Variants in TSPAN9 observed in about 807,000 individuals in gnomAD.
TSPAN9 encodes the protein tetraspanin-9.
Under a neutral mutation model 31.0 loss-of-function variants are expected in TSPAN9, and 16 were observed. The ratio of observed to expected loss-of-function variants is 0.52; its 90% CI spans 0.35 to 0.78. The LOEUF is 0.78. Ranked by LOEUF, TSPAN9 falls within the 30% of genes least tolerant of loss-of-function variation. The probability of loss-of-function intolerance (pLI) is 0.01; values close to 1 mark genes in which losing one functional copy is unlikely to be tolerated. For missense variants in TSPAN9, 272 were observed against 312.5 expected, an observed-to-expected ratio of 0.87 and a Z score of 0.98; for synonymous variants, 145 against 121.6, an observed-to-expected ratio of 1.19 and a Z score of -1.27.
At chr12:3,182,467 C>CT (rs559037493) in intron 2 of TSPAN9, among the ~76,000 whole-genome samples, 207 of 146,812 alleles carry the variant, frequency 1.4e-3, no homozygotes, top group African/African-American at 3.7e-3. Flanking sequence ...CTCTTCCTAC[C>CT]TTTTTTTTTT....
chr12:3,188,130 T>C (rs1207067036), intron 2 of TSPAN9, among the ~76,000 whole-genome samples: 1 of 152,112 alleles, frequency 6.6e-6, no homozygotes, highest in Admixed American at 6.5e-5. Flanking sequence ...CAAAGACAAG[T>C]GCCTCCCACT....
chr12:3,192,426 G>A lies in TSPAN9; in HGVS notation c.-17-8751G>A, dbSNP rs2098364897. ...GGGGACGAGGAGGATGCCAGGTGCA[G>A]GGAGGCTCTGCGGCTTGGACTTGTG... On this transcript the variant is annotated intron_variant, in intron 2 of 8. Coordinates refer to ENST00000011898, the MANE Select transcript of TSPAN9 (RefSeq NM_006675.5). This position sits in a 1 kb window ranked among gnomAD's most constrained non-coding sequence, Gnocchi z 4.6. Among the ~76,000 whole-genome samples, 1 of 152,162 alleles carries A rather than the reference G, an allele frequency of 6.6e-6. No homozygotes were observed. The highest frequency in any genetic ancestry group is 6.5e-5 in the Admixed American group (1 of 15,276).
At position 3,155,596 on chromosome 12, in the gene TSPAN9, T is replaced by TAA. The variant is rs200148503; in HGVS notation, c.-17-45569_-17-45568dup. Among the ~76,000 whole-genome samples the TAA allele has an allele frequency of 8.0e-4, 117 of 147,142 alleles. No individual in the cohort carries two copies. The East Asian group carries it at 9.7e-3, about 12-fold the overall frequency. ...ATGACAGAGCAAGACCCTGTCTCTT[T>TAA]AAAAAAAAAAAAATAAAGAGGGAGC... On this transcript the variant is annotated intron_variant, in intron 2 of 8. Transcript: ENST00000011898.
chr12:3,106,998 G>A (rs185171170), intron 2 of TSPAN9, among the ~76,000 whole-genome samples: 1 of 152,270 alleles, frequency 6.6e-6, no homozygotes, highest in Admixed American at 6.5e-5. Context: ...GGGAAGGAAA[G>A]GCTCCCTCCT....
chr12:3,078,917 A>G (rs1423024859), intron 1 of TSPAN9, among the ~76,000 whole-genome samples: 2 of 151,960 alleles, frequency 1.3e-5, no homozygotes, highest in Non-Finnish European at 2.9e-5. Context: ...AGTTTTTTCT[A>G]TGCACGTTAC....
At chr12:3,248,763 G>A (rs1011374351) in intron 3 of TSPAN9, among the ~76,000 whole-genome samples, 1 of 152,090 alleles carries the variant, frequency 6.6e-6, no homozygotes, top group Non-Finnish European at 1.5e-5. Flanking sequence ...GCCCAGAACG[G>A]ACCCTCCCTC....
At chr12:3,177,010 A>C (rs1388875559) in intron 2 of TSPAN9, among the ~76,000 whole-genome samples, 1 of 151,212 alleles carries the variant, frequency 6.6e-6, no homozygotes, top group African/African-American at 2.4e-5. Flanking sequence ...TTAGGAGTCC[A>C]TGAGCAAGAG....
intron 3 of TSPAN9, among the ~76,000 whole-genome samples, chr12:3,243,717 C>T (rs2098397856): frequency 6.6e-6 from 1 of 152,186 alleles, no homozygotes; most frequent in Non-Finnish European, 1.5e-5. Context: ...GTGGTCTGGT[C>T]TTGCCCAGGC....
chr12:3,144,649 T>C (rs1003223042), intron 2 of TSPAN9, among the ~76,000 whole-genome samples: 7 of 152,202 alleles, frequency 4.6e-5, no homozygotes, highest in African/African-American at 1.2e-4. Context: ...CGGGGTACTT[T>C]GCTGCAGTGG....
intron 2 of TSPAN9, among the ~76,000 whole-genome samples, chr12:3,116,060 A>G (rs542467281): frequency 6.6e-6 from 1 of 152,308 alleles, no homozygotes; most frequent in East Asian, 1.9e-4. Flanking sequence ...GAACTTGATC[A>G]TTTAGATAAA....
chr12:3,275,650 C>T lies in TSPAN9; in HGVS notation c.64-2771C>T, dbSNP rs532648404. Reference sequence around the variant, plus strand: ...ACCTAGTGGCCGTAGGCGGGGCTAGCCCCGTTCCCTGGCGAAGCTTTGTGA... The same window carrying T: ...ACCTAGTGGCCGTAGGCGGGGCTAGTCCCGTTCCCTGGCGAAGCTTTGTGA... On this transcript the variant is annotated intron_variant, in intron 3 of 8. Coordinates refer to ENST00000011898, the MANE Select transcript of TSPAN9 (RefSeq NM_006675.5). Among the ~76,000 whole-genome samples the T allele has an allele frequency of 2.6e-5, 4 of 152,368 alleles. No homozygotes were observed. In the East Asian group the frequency reaches 7.7e-4, roughly 29 times the overall value.
intron 1 of TSPAN9, among the ~76,000 whole-genome samples, chr12:3,081,844 G>GTGTGTGTGTATATATATATA (rs57812985): frequency 6.9e-5 from 8 of 116,736 alleles, no homozygotes; most frequent in African/African-American, 2.2e-4. Flanking sequence ...GTCTGTGTGT[G>GTGTGTGTGTATATATATATA]TATATATATG....
rs2098337828 is a variant in TSPAN9 at position 3,147,521 on chromosome 12, A to G, written c.-17-53656A>G. ...ACCTTCCCTGCCCACTTCCAGATTC[A>G]GTTTGAGCCACCTAGGGCCTGTTCT... On this transcript the variant is annotated intron_variant, in intron 2 of 8. Coordinates refer to ENST00000011898, the MANE Select transcript of TSPAN9 (RefSeq NM_006675.5). This position sits in a 1 kb window ranked among gnomAD's most constrained non-coding sequence, Gnocchi z 4.3. 6.6e-6 allele frequency among the ~76,000 whole-genome samples: 1 copy of G among 152,156 alleles called. No homozygotes were observed. The highest frequency in any genetic ancestry group is 2.1e-4 in the South Asian group (1 of 4,818).
rs368530245 is a variant in TSPAN9 at position 3,089,561 on chromosome 12, C to T, written c.-18+5842C>T. ...CCGCCCTCCTTGGCCTCCCAAAGTG[C>T]TGGGATTACAGGTGTGAGCCACTGC... On this transcript the variant is annotated intron_variant, in intron 2 of 8. Coordinates refer to ENST00000011898, the MANE Select transcript of TSPAN9 (RefSeq NM_006675.5). Among the ~76,000 whole-genome samples, 11 of 152,122 alleles carry T rather than the reference C, an allele frequency of 7.2e-5. No homozygotes were observed. The South Asian group carries it at 1.0e-3, about 14-fold the overall frequency.
At chr12:3,182,352 C>T (rs1417295213) in intron 2 of TSPAN9, among the ~76,000 whole-genome samples, 2 of 152,020 alleles carry the variant, frequency 1.3e-5, no homozygotes, top group Non-Finnish European at 2.9e-5. Context: ...TTGCTGCGCC[C>T]ACCCGAGGCT....
rs1350631611 is a variant in TSPAN9 at position 3,085,282 on chromosome 12, C to T, written c.-18+1563C>T. On this transcript the variant is annotated intron_variant, in intron 2 of 8. Coordinates refer to ENST00000011898, the MANE Select transcript of TSPAN9 (RefSeq NM_006675.5). ...ACCGTCCTGCTGTGCGGCATGTCCCCCACATCCCGTGGGGCCTGTTCCTGG... is the reference window on the plus strand; with the variant it reads ...ACCGTCCTGCTGTGCGGCATGTCCCTCACATCCCGTGGGGCCTGTTCCTGG... Among the ~76,000 whole-genome samples the T allele has an allele frequency of 2.0e-5, 3 of 151,822 alleles. No individual in the cohort carries two copies. In the South Asian group the frequency reaches 6.3e-4, roughly 32 times the overall value.
intron 2 of TSPAN9, among the ~76,000 whole-genome samples, chr12:3,104,924 C>G (rs986687621): frequency 6.6e-6 from 1 of 152,152 alleles, no homozygotes; most frequent in African/African-American, 2.4e-5. Flanking sequence ...AGTGGACAGG[C>G]GTGTGGGGGT....
intron 2 of TSPAN9, among the ~76,000 whole-genome samples, chr12:3,163,819 C>G (rs1467460560): frequency 6.6e-6 from 1 of 152,216 alleles, no homozygotes; most frequent in Non-Finnish European, 1.5e-5. Context: ...GTGGTAATCC[C>G]TTGCTCTGCC....
Position 3,247,688 on chromosome 12 carries a change from G to A in TSPAN9, c.64-30733G>A, listed in dbSNP as rs866117225. On this transcript the variant is annotated intron_variant, in intron 3 of 8. Transcript: ENST00000011898. The stretch of plus-strand genomic sequence containing the variant: ...ATCTGGTTTTGAGAATAGGCTGGGC[G>A]GTTCAAATCTCGGTCAGCCTCCTCC... Among the ~76,000 whole-genome samples, 4 of 152,176 alleles carry A rather than the reference G, an allele frequency of 2.6e-5. No individual in the cohort carries two copies. In the South Asian group the frequency reaches 6.2e-4, roughly 24 times the overall value.
Sources: gnomAD v4.1 joint callset for allele counts (sites outside exome capture counted in the v4.1 genomes callset) on GRCh38, gnomAD v4.1.1 for gene constraint, Gnocchi (gnomAD v3.1) non-coding constraint, MANE v1.5 for transcripts, NCBI Gene and HGNC (gene_info 2026-07-23, HGNC 2026-07-21) for gene names.